The following DAB1 variants were observed in gnomAD, a reference collection of about 807,000 sequenced individuals.
DAB1 encodes disabled homolog 1.
Under a neutral mutation model 64.6 loss-of-function variants are expected in DAB1, and 15 were observed. That is an observed-to-expected ratio of 0.23 (90% CI 0.16 to 0.36). DAB1 has a LOEUF of 0.36. Among genes scored for constraint, DAB1 ranks in the 10% least tolerant of loss-of-function variants. The pLI, the probability that DAB1 is intolerant of heterozygous loss-of-function variation, is 1.00. For synonymous variants in DAB1, 235 were observed against 251.9 expected, an observed-to-expected ratio of 0.93 and a Z score of 0.64; for missense variants, 596 against 706.7, an observed-to-expected ratio of 0.84 and a Z score of 1.78.
intron 1 of DAB1, among the ~76,000 whole-genome samples, chr1:57,838,602 G>T (rs1652915128): frequency 6.6e-6 from 1 of 152,058 alleles, no homozygotes; most frequent in South Asian, 2.1e-4. Context: ...AAGAGCATGG[G>T]TGTTGGAGTC....
intron 2 of DAB1, among the ~76,000 whole-genome samples, chr1:57,272,263 C>A (rs1222818105): frequency 5.9e-5 from 9 of 152,186 alleles, no homozygotes; most frequent in South Asian, 2.1e-4. Flanking sequence ...AACCACACGC[C>A]TGGAGACCAT....
intron 7 of DAB1, among the ~76,000 whole-genome samples, chr1:57,647,448 T>C (rs961676223): frequency 6.6e-6 from 1 of 152,096 alleles, no homozygotes; most frequent in Admixed American, 6.5e-5. Flanking sequence ...AGGCTTTGCT[T>C]ACTTATTTTC....
intron 6 of DAB1, among the ~76,000 whole-genome samples, chr1:57,739,997 C>T (rs868332063): frequency 7.1e-6 from 1 of 140,400 alleles, no homozygotes; most frequent in Non-Finnish European, 1.5e-5. Context: ...GAGTCCAAGA[C>T]CAGCTTGGCC....
At chr1:57,040,463 C>T (rs1333313181) in intron 9 of DAB1, among the ~76,000 whole-genome samples, 1 of 152,192 alleles carries the variant, frequency 6.6e-6, no homozygotes, top group Non-Finnish European at 1.5e-5. Context: ...CTCGTAGAAG[C>T]TTCCTGATTC....
intron 7 of DAB1, among the ~76,000 whole-genome samples, chr1:57,542,643 GC>G (rs1322649055): frequency 1.3e-5 from 2 of 151,928 alleles, no homozygotes. Context: ...CAACCATTAA[GC>G]AGTTCCTTAA....
chr1:57,868,927 C>A (rs930138438), intron 1 of DAB1, among the ~76,000 whole-genome samples: 1 of 152,058 alleles, frequency 6.6e-6, no homozygotes, highest in Non-Finnish European at 1.5e-5. Context: ...CATCTTGATG[C>A]CTTCAAGATT....
intron 7 of DAB1, among the ~76,000 whole-genome samples, chr1:57,552,014 C>A (rs919697941): frequency 6.6e-6 from 1 of 152,184 alleles, no homozygotes; most frequent in Non-Finnish European, 1.5e-5. Context: ...TGAGAAGATT[C>A]ACTCCCTTTC....
intron 7 of DAB1, among the ~76,000 whole-genome samples, chr1:57,607,898 AGCT>A (rs1429573077): frequency 6.6e-6 from 1 of 152,204 alleles, no homozygotes; most frequent in Non-Finnish European, 1.5e-5. Flanking sequence ...GAGTAGATTC[AGCT>A]GACAAGCATA....
intron 4 of DAB1, among the ~76,000 whole-genome samples, chr1:58,272,961 C>G: frequency 1.3e-5 from 1 of 79,728 alleles, no homozygotes; most frequent in East Asian, 4.5e-4. Context: ...GACTCTTTAT[C>G]CAACTTGCCA....
rs138710537 is a variant in DAB1, at chr1:58,351,021, G to A, written n.258-7618C>T. Among the ~76,000 whole-genome samples the A allele has an allele frequency of 3.3e-5, 5 of 152,234 alleles. No individual in the cohort carries two copies. The East Asian group carries it at 9.7e-4, about 29-fold the overall frequency. ...AGTCAGTGGTAGCTTGATGAAACTA[G>A]CACTGAATCTATGAATTACTTTGGG... is the stretch of plus-strand genomic sequence containing the variant. On this transcript the variant is annotated intron_variant and non_coding_transcript_variant, in intron 3 of 20. Transcript: ENST00000485760.
intron 2 of DAB1, among the ~76,000 whole-genome samples, chr1:57,225,493 C>T (rs1667194300): frequency 6.6e-6 from 1 of 152,154 alleles, no homozygotes; most frequent in Non-Finnish European, 1.5e-5. Flanking sequence ...CCACCAAAGA[C>T]ACAGCATACA....
rs565312155 is a variant in DAB1, at chr1:57,389,001, G to A, written c.-137+34929C>T. ...CCTTTTTAGGTTATTCTTTTAGAAG[G>A]ACATTTCAAAGATATTCTCTTTCAC... On this transcript the variant is annotated intron_variant, in intron 1 of 14. Transcript: ENST00000371236. 3.9e-5 allele frequency among the ~76,000 whole-genome samples: 6 copies of A among 152,284 alleles called. No individual in the cohort carries two copies. The East Asian group carries it at 9.7e-4, about 25-fold the overall frequency.
chr1:58,242,629 ATTAT>A (rs1660349239), intron 4 of DAB1, among the ~76,000 whole-genome samples: 1 of 152,136 alleles, frequency 6.6e-6, no homozygotes, highest in African/African-American at 2.4e-5. Flanking sequence ...ATTAATTTGT[ATTAT>A]TTAAACAATT....
intron 3 of DAB1, among the ~76,000 whole-genome samples, chr1:58,402,633 G>A (rs1320243556): frequency 6.6e-6 from 1 of 152,038 alleles, no homozygotes; most frequent in Admixed American, 6.5e-5. Context: ...AAGGGGAAGA[G>A]GAGGGAAAGG....
At chr1:57,571,567 C>T (rs1006417369) in intron 7 of DAB1, among the ~76,000 whole-genome samples, 16 of 152,162 alleles carry the variant, frequency 1.1e-4, no homozygotes, top group African/African-American at 3.9e-4. Context: ...ATTACATCCT[C>T]TCAAAAAATT....
intron 5 of DAB1, among the ~76,000 whole-genome samples, chr1:58,081,874 T>TTTCTGC: frequency 6.6e-6 from 1 of 152,340 alleles, no homozygotes; most frequent in Admixed American, 6.5e-5. Flanking sequence ...ACTTGTAGTG[T>TTTCTGC]TTCTGCTGAG....
At chr1:57,966,754 G>C (rs1645675992) in intron 5 of DAB1, among the ~76,000 whole-genome samples, 1 of 151,940 alleles carries the variant, frequency 6.6e-6, no homozygotes, top group Admixed American at 6.6e-5. Context: ...AGTTTTTCTG[G>C]GCATCTGTGT....
At chr1:58,006,600 T>G (rs1417237877) in intron 5 of DAB1, among the ~76,000 whole-genome samples, 2 of 152,178 alleles carry the variant, frequency 1.3e-5, no homozygotes, top group East Asian at 3.9e-4. Flanking sequence ...AATAAATGTT[T>G]GTTGACTGAA....
intron 7 of DAB1, among the ~76,000 whole-genome samples, chr1:57,629,435 G>A (rs1558556240): frequency 6.6e-6 from 1 of 152,092 alleles, no homozygotes; most frequent in Non-Finnish European, 1.5e-5. Flanking sequence ...GGTAAGGAGG[G>A]GAAAGAGAGA....
Sources: allele counts gnomAD v4.1 joint callset (sites outside exome capture counted in the v4.1 genomes callset), GRCh38; gene constraint gnomAD v4.1.1; transcripts MANE v1.5; gene names NCBI Gene and HGNC (gene_info 2026-07-23, HGNC 2026-07-21).